The following NAALADL2 variants were observed in gnomAD, a reference collection of about 807,000 sequenced individuals.
NAALADL2 encodes inactive N-acetylated-alpha-linked acidic dipeptidase-like protein 2.
Under a neutral mutation model 87.2 loss-of-function variants are expected in NAALADL2, and 76 were observed. The ratio of observed to expected loss-of-function variants is 0.87; its 90% CI spans 0.72 to 1.05. The LOEUF (loss-of-function observed/expected upper bound fraction) is 1.05. Among genes scored for constraint, NAALADL2 ranks in the 50% least tolerant of loss-of-function variants. NAALADL2 has a pLI of 0.00. For synonymous variants in NAALADL2, 354 were observed against 331.0 expected (o/e 1.07, Z -0.75); for missense variants, 1,089 against 945.8 (o/e 1.15, Z -1.99).
chr3:175,122,638 G>A (rs1281453049), intron 2 of NAALADL2, among the ~76,000 whole-genome samples: 1 of 151,662 alleles, frequency 6.6e-6, no homozygotes, highest in Non-Finnish European at 1.5e-5. Context: ...AATGGGTCTT[G>A]CTTATATCTG....
At chr3:175,577,837 C>T (rs1336095392) in intron 10 of NAALADL2, among the ~76,000 whole-genome samples, 2 of 151,978 alleles carry the variant, frequency 1.3e-5, no homozygotes, top group African/African-American at 4.8e-5. Context: ...ACAGAATACC[C>T]TTTGCTTTCT....
At chr3:175,352,826 G>A (rs1175416197) in intron 5 of NAALADL2, among the ~76,000 whole-genome samples, 1 of 152,124 alleles carries the variant, frequency 6.6e-6, no homozygotes, top group Non-Finnish European at 1.5e-5. Context: ...GTATGGGTGT[G>A]GGTGTGGGTG....
intron 1 of NAALADL2, among the ~76,000 whole-genome samples, chr3:174,864,689 C>A (rs952006855): frequency 3.3e-5 from 5 of 151,968 alleles, no homozygotes; most frequent in Admixed American, 3.3e-4. Flanking sequence ...CAGTAATAAT[C>A]TTAAGATTAT....
chr3:175,358,778 A>G (rs569351885), intron 5 of NAALADL2, among the ~76,000 whole-genome samples: 2 of 152,134 alleles, frequency 1.3e-5, no homozygotes, highest in Non-Finnish European at 2.9e-5. Context: ...TCTAAATAGC[A>G]TATCTTTAAA....
At chr3:174,661,838 C>T (rs1725535651) in intron 2 of NAALADL2, among the ~76,000 whole-genome samples, 1 of 152,142 alleles carries the variant, frequency 6.6e-6, no homozygotes, top group Non-Finnish European at 1.5e-5. Context: ...CACACACACA[C>T]ACACACGAGC....
intron 10 of NAALADL2, among the ~76,000 whole-genome samples, chr3:175,618,968 TCTA>T (rs1238428049): frequency 6.6e-6 from 1 of 152,180 alleles, no homozygotes; most frequent in East Asian, 1.9e-4. Flanking sequence ...GCCCTAGCCT[TCTA>T]CTGTTGACTG....
At chr3:174,862,173 A>G (rs991754615) in intron 1 of NAALADL2, among the ~76,000 whole-genome samples, 3 of 152,052 alleles carry the variant, frequency 2.0e-5, no homozygotes, top group African/African-American at 7.2e-5. Flanking sequence ...AATATGGCAT[A>G]AGGAATAGGG....
intron 11 of NAALADL2, among the ~76,000 whole-genome samples, chr3:175,683,466 A>G (rs1206303910): frequency 6.6e-6 from 1 of 152,012 alleles, no homozygotes; most frequent in African/African-American, 2.4e-5. Flanking sequence ...AGGTTTTGAT[A>G]TAAGGTTTTA....
chr3:175,055,537 G>T (rs372027922), intron 1 of NAALADL2, among the ~76,000 whole-genome samples: 16 of 152,198 alleles, frequency 1.1e-4, no homozygotes. Flanking sequence ...TTGTACAGGG[G>T]TGAGGGAATG....
At chr3:174,790,624 G>A (rs1399442563) in intron 3 of NAALADL2, among the ~76,000 whole-genome samples, 1 of 141,778 alleles carries the variant, frequency 7.1e-6, no homozygotes, top group Admixed American at 7.5e-5. Flanking sequence ...CTCCAGCCTA[G>A]GTGACAAAAG....
rs79112679 is a variant in NAALADL2 at position 174,896,386 on chromosome 3, A to G, written c.43+36936A>G. Among the ~76,000 whole-genome samples the G allele has an allele frequency of 3.9e-3, 594 of 152,300 alleles. 2 individuals are homozygous for G. The highest frequency in any genetic ancestry group is 0.01 in the Middle Eastern group (3 of 294). ...TTGATTTTGTTCACAATGATGAACA[A>G]TGTTAAAAAGAAATAAAAAGGTAAT... On this transcript the variant is annotated intron_variant, in intron 1 of 13. Coordinates refer to ENST00000454872, the MANE Select transcript of NAALADL2 (RefSeq NM_207015.3).
At chr3:174,739,052 A>G (rs1733502611) in intron 3 of NAALADL2, among the ~76,000 whole-genome samples, 1 of 152,196 alleles carries the variant, frequency 6.6e-6, no homozygotes, top group South Asian at 2.1e-4. Flanking sequence ...AGTCTAACGA[A>G]AATATTTCTT....
At chr3:175,070,075 A>G (rs888245127) in intron 1 of NAALADL2, among the ~76,000 whole-genome samples, 1 of 150,206 alleles carries the variant, frequency 6.7e-6, no homozygotes, top group African/African-American at 2.4e-5. Context: ...TGACGAGTTA[A>G]TGGGTGCAGC....
At position 174,600,613 on chromosome 3, in the gene NAALADL2, G is replaced by A. The variant is rs1482594514; in HGVS notation, c.-115+49976G>A. On this transcript the variant is annotated intron_variant, in intron 2 of 3. Coordinates refer to the NAALADL2 transcript ENST00000434257. The stretch of plus-strand genomic sequence containing the variant: ...CTTGCACTGCTATAAAGAAATACCT[G>A]AGACTGGGTAATTTATAAAGGAAAG... Among the ~76,000 whole-genome samples, 28 of 152,078 alleles carry A rather than the reference G, an allele frequency of 1.8e-4. 1 individual carries two copies. Among genetic ancestry groups the A allele is most frequent in the Admixed American group, 1.6e-3 (25 of 15,264 alleles).
chr3:175,053,991 AC>A (rs1711558033), intron 1 of NAALADL2, among the ~76,000 whole-genome samples: 1 of 152,238 alleles, frequency 6.6e-6, no homozygotes, highest in South Asian at 2.1e-4. Context: ...GGTGCATTCT[AC>A]TGCTAACTAT....
intron 2 of NAALADL2, among the ~76,000 whole-genome samples, chr3:174,736,360 G>T (rs1239745162): frequency 6.6e-6 from 1 of 152,168 alleles, no homozygotes; most frequent in Non-Finnish European, 1.5e-5. Flanking sequence ...AATGGAGGGT[G>T]AGCAAGGTGA....
intron 1 of NAALADL2, among the ~76,000 whole-genome samples, chr3:174,999,044 A>C (rs1403140921): frequency 6.6e-6 from 1 of 152,194 alleles, no homozygotes; most frequent in Non-Finnish European, 1.5e-5. Flanking sequence ...GCAATTAAAA[A>C]TTTAAAAATA....
At position 175,682,612 on chromosome 3, in the gene NAALADL2, G is replaced by A. The variant is rs144853401; in HGVS notation, c.1897-54694G>A. ...TGGCAGAAATGTAGTGTTTGAAAATGTGACACAAAAAGAATTTAAAGGTGA... is the reference window on the plus strand; with the variant it reads ...TGGCAGAAATGTAGTGTTTGAAAATATGACACAAAAAGAATTTAAAGGTGA... On this transcript the variant is annotated intron_variant, in intron 11 of 13. Coordinates refer to ENST00000454872, the MANE Select transcript of NAALADL2 (RefSeq NM_207015.3). 7.7e-3 allele frequency among the ~76,000 whole-genome samples: 1,172 copies of A among 152,102 alleles called. 16 individuals carry two copies. Among genetic ancestry groups the A allele is most frequent in the African/African-American group, 0.026 (1,090 of 41,544 alleles).
intron 2 of NAALADL2, among the ~76,000 whole-genome samples, chr3:175,131,406 C>G (rs1315914394): frequency 2.6e-5 from 4 of 151,944 alleles, no homozygotes; most frequent in Non-Finnish European, 5.9e-5. Context: ...CATCTTGCAC[C>G]GCCCTTAATC....
Sources: allele counts gnomAD v4.1 joint callset (sites outside exome capture counted in the v4.1 genomes callset), GRCh38; gene constraint gnomAD v4.1.1; transcripts MANE v1.5; gene names NCBI Gene and HGNC (gene_info 2026-07-23, HGNC 2026-07-21).